DUSP23: variants seen among roughly 807,000 people sequenced by gnomAD.
DUSP23 encodes dual specificity protein phosphatase 23.
Under a neutral mutation model 13.3 loss-of-function variants are expected in DUSP23, and 10 were observed. The observed-to-expected ratio is 0.75, with a 90% confidence interval of 0.46 to 1.27. The LOEUF (loss-of-function observed/expected upper bound fraction) is 1.27, where lower values mean the gene tolerates loss of function less well. Among genes scored for constraint, DUSP23 ranks in the 50% most tolerant of loss-of-function variants. The pLI is 0.00. For missense variants in DUSP23, 228 were observed against 204.8 expected (o/e 1.11, Z -0.69); for synonymous variants, 107 against 95.3 (o/e 1.12, Z -0.72).
Position 159,781,179 on chromosome 1 carries a change from C to G in DUSP23, c.79C>G (p.His27Asp). Residue 27 changes from histidine (H) to aspartate (D), a missense_variant, in exon 1 of 2, where the codon CAC (histidine) becomes GAC (aspartate). His to Asp is a moderately conservative substitution (Grantham distance 81). Transcript: ENST00000368107. ...ACTGGCGCTGCCGCGGCTCCCCGCC[C>G]ACTACCAGTTCCTGTTGGACCTGGG... ...AGLALPRLPA[H>D]YQFLLDLGVR... is the part of the protein sequence containing the mutation. 1 of 1,549,356 alleles carries G rather than the reference C, an allele frequency of 6.5e-7. No homozygotes were observed. The highest frequency in any genetic ancestry group is 8.7e-7 in the Non-Finnish European group (1 of 1,146,552).
Position 159,781,245 on chromosome 1 carries a change from C to G in DUSP23, c.145C>G (p.His49Asp), listed in dbSNP as rs1278425473. 1.3e-6 allele frequency: 2 copies of G among 1,548,962 alleles called. No individual in the cohort carries two copies. The highest frequency in any genetic ancestry group is 2.7e-5 in the African/African-American group (2 of 72,950). Residue 49 changes from histidine (H) to aspartate (D), a missense_variant, in exon 1 of 2, where the codon CAC becomes GAC. By Grantham distance (81) the His-to-Asp change is moderately conservative. Transcript: ENST00000368107. ...GTCCCTGACGGAGCGCGGGCCCCCT[C>G]ACAGCGACAGCTGCCCCGGCCTCAC... ...LVSLTERGPPHSDSCPGLTLH... is the reference protein window; with the variant it reads ...LVSLTERGPPDSDSCPGLTLH...
chr1:159,782,400 G>A lies in DUSP23; in HGVS notation c.*62G>A. On this transcript the variant is annotated 3_prime_UTR_variant, in exon 2 of 2. Transcript: ENST00000368107. The stretch of plus-strand genomic sequence containing the variant: ...CTTCCCCATGTTGTCGATGGGGCCA[G>A]AGATGAAGGGAAGTGGACTAAAGTA... 1.3e-6 allele frequency: 2 copies of A among 1,569,406 alleles called. No homozygotes were observed. The highest frequency in any genetic ancestry group is 3.6e-5 in the Admixed American group (2 of 56,058).
Position 159,781,171 on chromosome 1 carries a change from T to A in DUSP23, c.71T>A (p.Leu24His). 6.5e-7 allele frequency: 1 copy of A among 1,549,028 alleles called. No homozygotes were observed. The highest frequency in any genetic ancestry group is 1.2e-5 in the South Asian group (1 of 83,962). The change falls in exon 1 of 2, where the codon CTC becomes CAC. Residue 24 changes from leucine to histidine, a missense_variant. Leu to His is a moderately conservative substitution (Grantham distance 99). Coordinates refer to ENST00000368107, the MANE Select transcript of DUSP23 (RefSeq NM_001319658.2). The stretch of plus-strand genomic sequence containing the variant: ...CTGGCGGGACTGGCGCTGCCGCGGC[T>A]CCCCGCCCACTACCAGTTCCTGTTG... ...GRLAGLALPRLPAHYQFLLDL... is the reference protein window; with the variant it reads ...GRLAGLALPRHPAHYQFLLDL...
At position 159,781,161 on chromosome 1, in the gene DUSP23, C is replaced by G. The variant is rs1400012810; in HGVS notation, c.61C>G (p.Leu21Val). 3.9e-6 allele frequency: 6 copies of G among 1,548,952 alleles called. No individual in the cohort carries two copies. The South Asian group carries it at 6.0e-5, about 15-fold the overall frequency. ...VLPGRLAGLA[L>V]PRLPAHYQFL... is the part of the protein sequence containing the mutation. ...TCCGGGCCGGCTGGCGGGACTGGCG[C>G]TGCCGCGGCTCCCCGCCCACTACCA... The change falls in exon 1 of 2, where the codon CTG becomes GTG. Residue 21 changes from leucine (L) to valine (V), a missense_variant. Coordinates refer to ENST00000368107, the MANE Select transcript of DUSP23 (RefSeq NM_001319658.2).
chr1:159,781,064 G>A lies in DUSP23; in HGVS notation c.-37G>A. The A allele has an allele frequency of 6.6e-7, 1 of 1,513,698 alleles. No individual in the cohort carries two copies. The highest frequency in any genetic ancestry group is 8.8e-7 in the Non-Finnish European group (1 of 1,134,124). The allele number at this position is 1,513,698 out of a possible 1,614,324, so 93.8% of individuals were successfully genotyped here. On this transcript the variant is annotated 5_prime_UTR_variant, in exon 1 of 2. Transcript: ENST00000368107. Reference sequence around the variant, plus strand: ...GGCGGAGCGGGGCTGGCCAGCCTCGGCCCCCATGACCCGCTGTCCTGTGCC... The same window carrying A: ...GGCGGAGCGGGGCTGGCCAGCCTCGACCCCCATGACCCGCTGTCCTGTGCC...
rs1437785725 is a variant in DUSP23, at chr1:159,781,365, G to C, written c.265G>C (p.Glu89Gln). The stretch of plus-strand genomic sequence containing the variant: ...CGTGGACGAGGCCAACGCACGGGGA[G>C]AGGTCAGCGGGCGGGGTCAGCGCAG... The part of the protein sequence containing the change: ...QIVDEANARG[E>Q]AVGVHCALGF... The change falls in exon 1 of 2, where the codon GAG (glutamate) becomes CAG (glutamine). Residue 89 changes from glutamate to glutamine, a missense_variant and splice_region_variant. By Grantham distance (29) the Glu-to-Gln change is conservative (BLOSUM62 2). Transcript: ENST00000368107. 1.3e-6 allele frequency: 2 copies of C among 1,507,582 alleles called. No individual in the cohort carries two copies. The highest frequency in any genetic ancestry group is 4.1e-5 in the Admixed American group (2 of 48,360). 93.4% of individuals were successfully genotyped at this position (1,507,582 alleles called of 1,614,324 possible).
At position 159,781,366 on chromosome 1, in the gene DUSP23, A is replaced by AGGTCAGCGGGCGG. The variant is rs1553206675; in HGVS notation, c.267+8_267+20dup. ...GTGGACGAGGCCAACGCACGGGGAG[A>AGGTCAGCGGGCGG]GGTCAGCGGGCGGGGTCAGCGCAGG... On this transcript the variant is annotated frameshift_variant and splice_region_variant, in exon 1 of 2. Coordinates refer to ENST00000368107, the MANE Select transcript of DUSP23 (RefSeq NM_001319658.2). LOFTEE classifies it high-confidence loss of function. 25 of 1,506,236 alleles carry AGGTCAGCGGGCGG rather than the reference A, an allele frequency of 1.7e-5. No individual in the cohort carries two copies. In the East Asian group the frequency reaches 6.3e-4, roughly 38 times the overall value. The allele number at this position is 1,506,236 out of a possible 1,614,324, so 93.3% of individuals were successfully genotyped here. A position where few individuals can be genotyped will look rare whatever the true frequency, so the allele number is the denominator to read the frequency against.
Position 159,781,340 on chromosome 1 carries a change from C to A in DUSP23, c.240C>A (p.Ile80=). The A allele has an allele frequency of 6.5e-7, 1 of 1,534,526 alleles. No homozygotes were observed. Among genetic ancestry groups the A allele is most frequent in the African/African-American group, 1.4e-5 (1 of 72,212 alleles). ...ACCAGATCGACCGCTTCGTGCAGAT[C>A]GTGGACGAGGCCAACGCACGGGGAG... ...APDQIDRFVQ[I]VDEANARGEA... is the part of the protein sequence containing the mutation. Residue 80 remains isoleucine (I), a synonymous_variant, in exon 1 of 2, where the codon ATC becomes ATA. Transcript: ENST00000368107.
In DUSP23 at chr1:159,781,035, C is replaced by T; in HGVS notation, c.-66C>T. The stretch of plus-strand genomic sequence containing the variant: ...TTGGCTCGGAGCGGGCGAGGGGACG[C>T]GTGGGCGGAGCGGGGCTGGCCAGCC... On this transcript the variant is annotated 5_prime_UTR_variant, in exon 1 of 2. Transcript: ENST00000368107. The T allele has an allele frequency of 1.0e-5, 15 of 1,467,022 alleles. No homozygotes were observed. Among genetic ancestry groups the T allele is most frequent in the Non-Finnish European group, 1.4e-5 (15 of 1,110,472 alleles). The allele number at this position is 1,467,022 out of a possible 1,614,324, so 90.9% of individuals were successfully genotyped here.
intron 1 of DUSP23, 65 bp downstream of exon 1, chr1:159,781,432 G>A: frequency 1.4e-6 from 2 of 1,433,642 alleles, no homozygotes; most frequent in Non-Finnish European, 1.8e-6. Flanking sequence ...CACGGGCGGA[G>A]CTGGGGAGAC....
Position 159,781,172 on chromosome 1 carries a change from C to A in DUSP23, c.72C>A (p.Leu24=). ...GRLAGLALPR[L]PAHYQFLLDL... is the part of the protein sequence containing the mutation. ...TGGCGGGACTGGCGCTGCCGCGGCTCCCCGCCCACTACCAGTTCCTGTTGG... is the reference window on the plus strand; with the variant it reads ...TGGCGGGACTGGCGCTGCCGCGGCTACCCGCCCACTACCAGTTCCTGTTGG... Residue 24 remains leucine, a synonymous_variant, in exon 1 of 2, where the codon CTC becomes CTA. Coordinates refer to ENST00000368107, the MANE Select transcript of DUSP23 (RefSeq NM_001319658.2). The A allele has an allele frequency of 6.5e-7, 1 of 1,549,118 alleles. No homozygotes were observed. The highest frequency in any genetic ancestry group is 2.4e-5 in the East Asian group (1 of 40,902).
In DUSP23 at chr1:159,782,284, C is replaced by T. The variant is rs1453145878; in HGVS notation, c.399C>T (p.Ile133=). The part of the protein sequence containing the change: ...AEIRRLRPGS[I]ETYEQEKAVF... ...TCCGACGACTACGACCCGGCTCCAT[C>T]GAGACCTATGAGCAGGAGAAAGCAG... Residue 133 remains isoleucine, a synonymous_variant, in exon 2 of 2, where the codon ATC becomes ATT. Coordinates refer to ENST00000368107, the MANE Select transcript of DUSP23 (RefSeq NM_001319658.2). 8 of 1,614,124 alleles carry T rather than the reference C, an allele frequency of 5.0e-6. No individual in the cohort carries two copies. Among genetic ancestry groups the T allele is most frequent in the Non-Finnish European group, 4.2e-6 (5 of 1,180,020 alleles).
Position 159,782,409 on chromosome 1 carries a change from G to C in DUSP23, c.*71G>C, listed in dbSNP as rs761649173. Reference sequence around the variant, plus strand: ...GTTGTCGATGGGGCCAGAGATGAAGGGAAGTGGACTAAAGTATTAAACCCT... The same window carrying C: ...GTTGTCGATGGGGCCAGAGATGAAGCGAAGTGGACTAAAGTATTAAACCCT... On this transcript the variant is annotated 3_prime_UTR_variant, in exon 2 of 2. Coordinates refer to ENST00000368107, the MANE Select transcript of DUSP23 (RefSeq NM_001319658.2). 276 of 1,542,798 alleles carry C rather than the reference G, an allele frequency of 1.8e-4. No individual in the cohort carries two copies. The highest frequency in any genetic ancestry group is 2.3e-4 in the Non-Finnish European group (261 of 1,133,026).
Position 159,782,269 on chromosome 1 carries a change from A to G in DUSP23, c.384A>G (p.Leu128=), listed in dbSNP as rs552406687. The G allele has an allele frequency of 1.9e-6, 3 of 1,614,012 alleles. No individual in the cohort carries two copies. The African/African-American group carries it at 4.0e-5, about 22-fold the overall frequency. The change falls in exon 2 of 2, where the codon CTA becomes CTG. Residue 128 remains leucine (L), a synonymous_variant. Coordinates refer to ENST00000368107, the MANE Select transcript of DUSP23 (RefSeq NM_001319658.2). ...AGDAIAEIRR[L]RPGSIETYEQ... ...ATGCCATTGCTGAAATCCGACGACT[A>G]CGACCCGGCTCCATCGAGACCTATG...
intron 1 of DUSP23, among the ~76,000 whole-genome samples, chr1:159,781,761 T>G (rs919070062): frequency 3.3e-5 from 5 of 152,194 alleles, no homozygotes; most frequent in Non-Finnish European, 5.9e-5. Context: ...ACGGCATTCT[T>G]AAAAAGCAGG....
Position 159,781,266 on chromosome 1 carries a change from C to T in DUSP23, c.166C>T (p.Leu56Phe). ...GPPHSDSCPGLTLHRLRIPDF... is the reference protein window; with the variant it reads ...GPPHSDSCPGFTLHRLRIPDF... ...CCCTCACAGCGACAGCTGCCCCGGC[C>T]TCACCCTGCACCGCCTGCGCATCCC... The change falls in exon 1 of 2, where the codon CTC becomes TTC. Residue 56 changes from leucine to phenylalanine, a missense_variant. Leu to Phe is a conservative substitution (Grantham distance 22, BLOSUM62 0). Transcript: ENST00000368107. 6.5e-7 allele frequency: 1 copy of T among 1,548,768 alleles called. No homozygotes were observed. Among genetic ancestry groups the T allele is most frequent in the Non-Finnish European group, 8.7e-7 (1 of 1,146,312 alleles).
chr1:159,781,134 C>T lies in DUSP23; in HGVS notation c.34C>T (p.Leu12Phe), dbSNP rs757046968. The part of the protein sequence containing the change: ...GVQPPNFSWV[L>F]PGRLAGLALP... ...GCAGCCCCCCAACTTCTCCTGGGTG[C>T]TTCCGGGCCGGCTGGCGGGACTGGC... Residue 12 changes from leucine (L) to phenylalanine (F), a missense_variant, in exon 1 of 2, where the codon CTT becomes TTT. Coordinates refer to ENST00000368107, the MANE Select transcript of DUSP23 (RefSeq NM_001319658.2). The T allele has an allele frequency of 3.9e-6, 6 of 1,548,480 alleles. No homozygotes were observed. The highest frequency in any genetic ancestry group is 3.5e-6 in the Non-Finnish European group (4 of 1,146,574).
chr1:159,782,055 G>T, intron 1 of DUSP23, 98 bp from the exon 2 acceptor site: 1 of 1,416,194 alleles, frequency 7.1e-7, no homozygotes, highest in South Asian at 1.3e-5. Context: ...CCCTGGACCT[G>T]GCACAGAAGA....
chr1:159,780,994 G>A lies in DUSP23; in HGVS notation c.-107G>A, dbSNP rs1439593490. ...GTGGCCCGGGAGGCGCCGAGGCCAGGTAGGTGGTGAGTTACTTGGCTCGGA... is the reference window on the plus strand; with the variant it reads ...GTGGCCCGGGAGGCGCCGAGGCCAGATAGGTGGTGAGTTACTTGGCTCGGA... On this transcript the variant is annotated 5_prime_UTR_variant, in exon 1 of 2. Transcript: ENST00000368107. The A allele has an allele frequency of 6.6e-6, 9 of 1,372,360 alleles. No individual in the cohort carries two copies. Among genetic ancestry groups the A allele is most frequent in the African/African-American group, 3.0e-5 (2 of 66,066 alleles). 85.0% of individuals were successfully genotyped at this position (1,372,360 alleles called of 1,614,324 possible).
Sources: gnomAD v4.1 joint callset for allele counts (sites outside exome capture counted in the v4.1 genomes callset) on GRCh38, gnomAD v4.1.1 for gene constraint, MANE v1.5 for transcripts, NCBI Gene and HGNC (gene_info 2026-07-23, HGNC 2026-07-21) for gene names.